Variants in PRKG1 observed in about 807,000 individuals in gnomAD.
PRKG1 encodes cGMP-dependent protein kinase 1.
PRKG1 carries 35 observed loss-of-function variants against 88.1 expected under a neutral mutation model. The ratio of observed to expected loss-of-function variants is 0.40; its 90% CI spans 0.30 to 0.53. PRKG1 has a LOEUF of 0.53. Ranked by LOEUF, PRKG1 falls within the 20% of genes least tolerant of loss-of-function variation. The pLI, the probability that PRKG1 is intolerant of heterozygous loss-of-function variation, is 0.59. For synonymous variants in PRKG1, 303 were observed against 292.5 expected (o/e 1.04, Z -0.37); for missense variants, 540 against 839.8 (o/e 0.64, Z 4.41).
intron 7 of PRKG1, among the ~76,000 whole-genome samples, chr10:52,068,587 A>C (rs1336997543): frequency 1.3e-5 from 2 of 152,212 alleles, no homozygotes; most frequent in Non-Finnish European, 2.9e-5. Flanking sequence ...ATACTTACAA[A>C]GAATTTGGGT....
intron 3 of PRKG1, among the ~76,000 whole-genome samples, chr10:51,756,235 C>T (rs557044543): frequency 1.3e-5 from 2 of 152,124 alleles, no homozygotes; most frequent in Non-Finnish European, 2.9e-5. Flanking sequence ...GTAATCCCTC[C>T]AAGTGCTTTG....
intron 5 of PRKG1, among the ~76,000 whole-genome samples, chr10:52,027,162 G>A (rs1480669969): frequency 1.3e-5 from 2 of 152,124 alleles, no homozygotes; most frequent in East Asian, 3.9e-4. Flanking sequence ...CCCATTGGCT[G>A]GCTCTGTGCC....
chr10:51,781,125 CA>C (rs971049433), intron 3 of PRKG1, among the ~76,000 whole-genome samples: 2 of 152,028 alleles, frequency 1.3e-5, no homozygotes, highest in Non-Finnish European at 2.9e-5. Flanking sequence ...GTTGCTAAAA[CA>C]AATTTTAAAA....
intron 2 of PRKG1, among the ~76,000 whole-genome samples, chr10:51,212,704 A>T (rs112938009): frequency 1.3e-5 from 2 of 152,226 alleles, no homozygotes; most frequent in African/African-American, 4.8e-5. Context: ...CAGCCAAAAA[A>T]CACATGAAAA....
At chr10:51,950,835 T>A (rs370897700) in intron 5 of PRKG1, among the ~76,000 whole-genome samples, 1 of 152,196 alleles carries the variant, frequency 6.6e-6, no homozygotes, top group East Asian at 1.9e-4. Flanking sequence ...TTGTCCAGCA[T>A]CCAAGAAGAA....
chr10:51,611,652 T>C, intron 3 of PRKG1, among the ~76,000 whole-genome samples: 1 of 134,256 alleles, frequency 7.4e-6, no homozygotes, highest in Non-Finnish European at 1.6e-5. Context: ...CATTTGTCTA[T>C]TTTTTTTTTT....
intron 3 of PRKG1, among the ~76,000 whole-genome samples, chr10:51,591,305 A>T (rs746400889): frequency 6.6e-6 from 1 of 152,150 alleles, no homozygotes; most frequent in Non-Finnish European, 1.5e-5. Flanking sequence ...TAGCTATTTG[A>T]TCTCTATTCA....
At chr10:51,976,979 A>G (rs1843852959) in intron 5 of PRKG1, among the ~76,000 whole-genome samples, 2 of 151,800 alleles carry the variant, frequency 1.3e-5, no homozygotes, top group African/African-American at 4.8e-5. Context: ...TTGTTTTTTT[A>G]CTTTTATTTT....
At chr10:52,285,722 C>T (rs1424631117) in intron 14 of PRKG1, among the ~76,000 whole-genome samples, 1 of 151,956 alleles carries the variant, frequency 6.6e-6, no homozygotes, top group Non-Finnish European at 1.5e-5. Context: ...AAAGCATGAT[C>T]TCCCTAAAAA....
chr10:51,641,558 C>A (rs1380207437), intron 3 of PRKG1, among the ~76,000 whole-genome samples: 1 of 152,128 alleles, frequency 6.6e-6, no homozygotes, highest in African/African-American at 2.4e-5. Context: ...TTGCCATGCT[C>A]GATCAGCTGG....
intron 9 of PRKG1, among the ~76,000 whole-genome samples, chr10:52,220,202 C>T (rs937773002): frequency 3.3e-5 from 5 of 152,062 alleles, no homozygotes; most frequent in African/African-American, 1.2e-4. Flanking sequence ...ATGTTGTGTC[C>T]TCTGCCTTAT....
At chr10:51,005,531 G>A (rs1842932560) in intron 1 of PRKG1, among the ~76,000 whole-genome samples, 1 of 152,104 alleles carries the variant, frequency 6.6e-6, no homozygotes, top group Admixed American at 6.6e-5. Context: ...GAAATGAGAT[G>A]GTTTAGGTAT....
At position 52,297,732 on chromosome 10, in the gene PRKG1, TCA is replaced by T. The variant is rs1195581477; in HGVS notation, c.*3833_*3834del. ...TAGTGCAGTCAAGTTCTAACATATC[TCA>T]TTTTATAGACTCCATTGACAATGGT... is the stretch of plus-strand genomic sequence containing the variant. On this transcript the variant is annotated 3_prime_UTR_variant, in exon 18 of 18. Coordinates refer to ENST00000373980, the MANE Select transcript of PRKG1 (RefSeq NM_006258.4). The T allele has an allele frequency of 6.6e-6, 1 of 152,166 alleles. No individual in the cohort carries two copies. Among genetic ancestry groups the T allele is most frequent in the African/African-American group, 2.4e-5 (1 of 41,464 alleles). 9.4% of individuals were successfully genotyped at this position (152,166 alleles called of 1,614,324 possible).
At chr10:51,074,233 C>T (rs1843885791), upstream of PRKG1, 1 of 214,776 alleles carries the variant, frequency 4.7e-6, no homozygotes, top group Non-Finnish European at 9.3e-6. Flanking sequence ...GCCGCTGCCT[C>T]GGAGCCCCCA....
At chr10:51,325,832 C>A (rs1841577083) in intron 2 of PRKG1, among the ~76,000 whole-genome samples, 1 of 152,186 alleles carries the variant, frequency 6.6e-6, no homozygotes, top group East Asian at 1.9e-4. Context: ...TGACAGCAAC[C>A]TCCTCAGGGG....
intron 7 of PRKG1, among the ~76,000 whole-genome samples, chr10:52,086,348 C>CT (rs1564463007): frequency 6.6e-6 from 1 of 150,818 alleles, no homozygotes; most frequent in Non-Finnish European, 1.5e-5. Flanking sequence ...ACACTATACA[C>CT]TTTTTTGAAC....
chr10:51,599,558 A>T (rs928492841), intron 3 of PRKG1, among the ~76,000 whole-genome samples: 2 of 152,104 alleles, frequency 1.3e-5, no homozygotes, highest in African/African-American at 2.4e-5. Context: ...ATATTACAAC[A>T]CTGTATCTTT....
At chr10:51,071,261 G>T, upstream of PRKG1, among the ~76,000 whole-genome samples, 1 of 152,230 alleles carries the variant, frequency 6.6e-6, no homozygotes, top group East Asian at 1.9e-4. Flanking sequence ...ATGGAAACCT[G>T]GTCGCTCAAG....
intron 5 of PRKG1, among the ~76,000 whole-genome samples, chr10:51,923,460 A>G (rs953911375): frequency 2.0e-5 from 3 of 150,470 alleles, no homozygotes; most frequent in African/African-American, 7.3e-5. Context: ...ATTTGTGATT[A>G]TTTTACTATA....
Sources: gnomAD v4.1 joint callset for allele counts (sites outside exome capture counted in the v4.1 genomes callset) on GRCh38, gnomAD v4.1.1 for gene constraint, MANE v1.5 for transcripts, NCBI Gene and HGNC (gene_info 2026-07-23, HGNC 2026-07-21) for gene names.